Variants in SLC4A10 observed in about 807,000 individuals in gnomAD.
SLC4A10 encodes sodium-driven chloride bicarbonate exchanger.
SLC4A10 carries 42 observed loss-of-function variants against 137.7 expected under a neutral mutation model. That is an observed-to-expected ratio of 0.30 (90% confidence interval 0.24 to 0.39). The LOEUF (loss-of-function observed/expected upper bound fraction) is 0.39, where lower values mean the gene tolerates loss of function less well. SLC4A10 is among the 10% of genes least tolerant of loss of function. The pLI is 1.00. For synonymous variants in SLC4A10, 474 were observed against 464.1 expected (o/e 1.02, Z -0.27); for missense variants, 925 against 1,355.0 (o/e 0.68, Z 4.98).
intron 1 of SLC4A10, among the ~76,000 whole-genome samples, chr2:161,733,850 G>A (rs950321165): frequency 5.9e-5 from 9 of 152,332 alleles, no homozygotes; most frequent in Admixed American, 3.3e-4. Context: ...TTGCATCAGC[G>A]TGACCTGGAT....
At chr2:161,790,184 A>C (rs1470734385) in intron 2 of SLC4A10, among the ~76,000 whole-genome samples, 1 of 152,200 alleles carries the variant, frequency 6.6e-6, no homozygotes, top group Non-Finnish European at 1.5e-5. Flanking sequence ...TAACCATATC[A>C]CAATAGTTTT....
intron 2 of SLC4A10, among the ~76,000 whole-genome samples, chr2:161,793,681 G>C (rs1462774970): frequency 6.6e-6 from 1 of 152,104 alleles, no homozygotes; most frequent in African/African-American, 2.4e-5. Flanking sequence ...ATCATTATTA[G>C]CAGAAAGTAA....
At chr2:161,802,427 A>G (rs1461965181) in intron 2 of SLC4A10, among the ~76,000 whole-genome samples, 2 of 152,130 alleles carry the variant, frequency 1.3e-5, no homozygotes, top group Non-Finnish European at 2.9e-5. Context: ...TTAAGTACAA[A>G]TATATCCACT....
At chr2:161,938,684 G>T (rs1335893154) in intron 15 of SLC4A10, among the ~76,000 whole-genome samples, 1 of 149,980 alleles carries the variant, frequency 6.7e-6, no homozygotes, top group Admixed American at 6.6e-5. Context: ...CCCCATGATC[G>T]CAAACCTTTG....
At position 161,678,699 on chromosome 2, in the gene SLC4A10, C is replaced by T. The variant is rs183715357; in HGVS notation, c.48+54133C>T. Among the ~76,000 whole-genome samples the T allele has an allele frequency of 2.6e-3, 395 of 152,186 alleles. 1 individual carries two copies. The highest frequency in any genetic ancestry group is 8.9e-3 in the African/African-American group (371 of 41,540). ...ATTAGTTTTACCTCTTCTTGAGTTT[C>T]ATATACACTGAAATAATATATATGA... On this transcript the variant is annotated intron_variant, in intron 1 of 26. Coordinates refer to ENST00000446997, the MANE Select transcript of SLC4A10 (RefSeq NM_001178015.2).
chr2:161,919,617 T>G (rs1259037665), intron 15 of SLC4A10, among the ~76,000 whole-genome samples: 2 of 152,164 alleles, frequency 1.3e-5, no homozygotes, highest in African/African-American at 4.8e-5. Flanking sequence ...CTACCCACTT[T>G]GGGCCTCCTG....
At chr2:161,949,034 ATAT>A in intron 17 of SLC4A10, 111 bp from the exon 18 acceptor site, 1 of 614,160 alleles carries the variant, frequency 1.6e-6, no homozygotes. Context: ...ATAAAATATA[ATAT>A]TATGATATTA....
At chr2:161,705,683 A>C (rs547550447) in intron 1 of SLC4A10, among the ~76,000 whole-genome samples, 176 of 151,712 alleles carry the variant, frequency 1.2e-3, no homozygotes, top group Middle Eastern at 3.4e-3. Context: ...GAGGCCCCAG[A>C]GAGTTGCCTT....
intron 9 of SLC4A10, 128 bp downstream of exon 9, chr2:161,879,416 A>C (rs955410178): frequency 1.0e-6 from 1 of 988,356 alleles, no homozygotes; most frequent in African/African-American, 1.6e-5. Flanking sequence ...CAAAACTACT[A>C]TTAATTTTTG....
intron 1 of SLC4A10, among the ~76,000 whole-genome samples, chr2:161,719,938 C>T (rs1172757893): frequency 1.3e-5 from 2 of 152,250 alleles, no homozygotes; most frequent in African/African-American, 2.4e-5. Context: ...GTTGCCATTG[C>T]GTTTGGTGTT....
intron 1 of SLC4A10, among the ~76,000 whole-genome samples, chr2:161,689,594 A>T (rs970872767): frequency 6.6e-6 from 1 of 152,210 alleles, no homozygotes; most frequent in Non-Finnish European, 1.5e-5. Context: ...CTAAGAACAC[A>T]TTTCTCAGAA....
chr2:161,744,864 A>G (rs1259818794), intron 1 of SLC4A10, among the ~76,000 whole-genome samples: 2 of 152,174 alleles, frequency 1.3e-5, no homozygotes, highest in Non-Finnish European at 1.5e-5. Flanking sequence ...TTCTTACTCA[A>G]GATATAAGTA....
intron 1 of SLC4A10, among the ~76,000 whole-genome samples, chr2:161,639,322 A>G (rs1235641761): frequency 6.6e-6 from 1 of 152,118 alleles, no homozygotes; most frequent in African/African-American, 2.4e-5. Flanking sequence ...GGACACAACA[A>G]AATAAGAAAA....
At chr2:161,755,062 GA>G (rs908749070) in intron 1 of SLC4A10, among the ~76,000 whole-genome samples, 61 of 152,096 alleles carry the variant, frequency 4.0e-4, no homozygotes, top group African/African-American at 1.4e-3. Context: ...CATTAGATAT[GA>G]AAAATATCAT....
At chr2:161,820,905 T>C (rs1428526998) in intron 3 of SLC4A10, among the ~76,000 whole-genome samples, 1 of 152,228 alleles carries the variant, frequency 6.6e-6, no homozygotes, top group Non-Finnish European at 1.5e-5. Context: ...TTCCCACCAA[T>C]AAAGTGTGAG....
At chr2:161,705,834 G>A (rs2043604310) in intron 1 of SLC4A10, among the ~76,000 whole-genome samples, 3 of 151,456 alleles carry the variant, frequency 2.0e-5, no homozygotes, top group Admixed American at 6.6e-5. Context: ...TCTTCATTCA[G>A]TCCAAGGGTG....
At chr2:161,695,185 G>A (rs1252790743) in intron 1 of SLC4A10, among the ~76,000 whole-genome samples, 1 of 151,920 alleles carries the variant, frequency 6.6e-6, no homozygotes, top group African/African-American at 2.4e-5. Flanking sequence ...AGGAGAAAAT[G>A]GTTTTCAATC....
At chr2:161,735,276 A>G (rs1047206455) in intron 1 of SLC4A10, among the ~76,000 whole-genome samples, 2 of 151,342 alleles carry the variant, frequency 1.3e-5, no homozygotes, top group African/African-American at 4.8e-5. Flanking sequence ...AAACCATCTT[A>G]TAAGTTTTTA....
chr2:161,747,301 CA>C (rs2048487600), intron 1 of SLC4A10, among the ~76,000 whole-genome samples: 1 of 152,132 alleles, frequency 6.6e-6, no homozygotes, highest in Admixed American at 6.6e-5. Flanking sequence ...GGGTGCTGGC[CA>C]AATTCCGCCT....
Sources: gnomAD v4.1 joint callset for allele counts (sites outside exome capture counted in the v4.1 genomes callset) on GRCh38, gnomAD v4.1.1 for gene constraint, MANE v1.5 for transcripts, NCBI Gene and HGNC (gene_info 2026-07-23, HGNC 2026-07-21) for gene names.